AMOTL1: variants seen among roughly 807,000 people sequenced by gnomAD.
AMOTL1 encodes the protein angiomotin like 1.
Under a neutral mutation model 102.9 loss-of-function variants are expected in AMOTL1, and 45 were observed. That is an observed-to-expected ratio of 0.44 (90% confidence interval 0.34 to 0.56). The LOEUF (loss-of-function observed/expected upper bound fraction) is 0.56, where lower values mean the gene tolerates loss of function less well. Among genes scored for constraint, AMOTL1 ranks in the 20% least tolerant of loss-of-function variants. The pLI is 0.01. For synonymous variants in AMOTL1, 481 were observed against 484.7 expected, an observed-to-expected ratio of 0.99 and a Z score of 0.10; for missense variants, 1,114 against 1,225.6, an observed-to-expected ratio of 0.91 and a Z score of 1.36.
chr11:94,870,614 T>C, intron 12 of AMOTL1, 75 bp from the exon 13 acceptor site: 1 of 1,173,446 alleles, frequency 8.5e-7, no homozygotes, highest in Non-Finnish European at 1.2e-6. Flanking sequence ...CGGACGTGGG[T>C]CCATTTTAGA....
intron 1 of AMOTL1, among the ~76,000 whole-genome samples, chr11:94,728,162 T>G (rs1443820038): frequency 6.6e-6 from 1 of 152,220 alleles, no homozygotes; most frequent in Non-Finnish European, 1.5e-5. Context: ...ACCTGCTACA[T>G]GCAGAGCGTT....
chr11:94,802,962 C>A lies in AMOTL1; in HGVS notation c.1121+2651C>A, dbSNP rs193094794. 3.3e-5 allele frequency among the ~76,000 whole-genome samples: 5 copies of A among 152,298 alleles called. No homozygotes were observed. In the East Asian group the frequency reaches 9.6e-4, roughly 29 times the overall value. ...AAAGGGTTATCTGTTTGTCATTGAT[C>A]GTGATGGTTTAGGAAGCTGCAGGCC... is the stretch of plus-strand genomic sequence containing the variant. On this transcript the variant is annotated intron_variant, in intron 3 of 12. Transcript: ENST00000433060.
At chr11:94,782,197 C>T (rs1951124512) in intron 1 of AMOTL1, among the ~76,000 whole-genome samples, 2 of 152,300 alleles carry the variant, frequency 1.3e-5, no homozygotes, top group South Asian at 4.1e-4. Flanking sequence ...TGTGGTTATT[C>T]TGGCTTGGGC....
chr11:94,733,473 T>G (rs12292539), intron 2 of AMOTL1, among the ~76,000 whole-genome samples: 1 of 152,188 alleles, frequency 6.6e-6, no homozygotes, highest in Non-Finnish European at 1.5e-5. Flanking sequence ...CCTGCTTCTC[T>G]TTCTACCACC....
chr11:94,742,247 TA>T (rs760714487), intron 3 of AMOTL1, among the ~76,000 whole-genome samples: 10 of 152,380 alleles, frequency 6.6e-5, no homozygotes, highest in Non-Finnish European at 1.2e-4. Flanking sequence ...AAGTGACATC[TA>T]AACCATAGCT....
intron 1 of AMOTL1, among the ~76,000 whole-genome samples, chr11:94,792,362 A>C (rs2135554787): frequency 6.6e-6 from 1 of 152,314 alleles, no homozygotes; most frequent in South Asian, 2.1e-4. Context: ...AGATATACCT[A>C]ATGTAAATGA....
rs1311207245 is a variant in AMOTL1, at chr11:94,820,247, C to T, written c.1122-1283C>T. On this transcript the variant is annotated intron_variant, in intron 3 of 12. Transcript: ENST00000433060. ...TCTGAGTGTTTCTCTTCTGCCACTACTCTGAGCTCTCCTCAGTTCTCACCT... is the reference window on the plus strand; with the variant it reads ...TCTGAGTGTTTCTCTTCTGCCACTATTCTGAGCTCTCCTCAGTTCTCACCT... The T allele has an allele frequency of 2.8e-5, 4 of 143,026 alleles. No homozygotes were observed. In the Admixed American group the frequency reaches 3.3e-4, roughly 12 times the overall value. The allele number at this position is 143,026 out of a possible 1,614,324, so 8.9% of individuals were successfully genotyped here. A position where few individuals can be genotyped will look rare whatever the true frequency, so the allele number is the denominator to read the frequency against.
rs1591977869 is a variant in AMOTL1, at chr11:94,799,596, A to G, written c.406A>G (p.Asn136Asp). The G allele has an allele frequency of 6.2e-7, 1 of 1,613,848 alleles. No individual in the cohort carries two copies. Among genetic ancestry groups the G allele is most frequent in the East Asian group, 2.2e-5 (1 of 44,870 alleles). ...GAGTGCAGGACCAGCCCATCCTACA[A>G]ACAACTTTTCTTCCACGGAAAACCT... ...TGSAGPAHPTNNFSSTENLTQ... is the reference protein window; with the variant it reads ...TGSAGPAHPTDNFSSTENLTQ... The change falls in exon 3 of 13, where the codon AAC becomes GAC. Residue 136 changes from asparagine (N) to aspartate (D), a missense_variant. Physicochemically the swap from Asn to Asp is conservative, Grantham distance 23. Coordinates refer to ENST00000433060, the MANE Select transcript of AMOTL1 (RefSeq NM_130847.3). This position sits in a 1 kb window ranked among gnomAD's most constrained non-coding sequence, Gnocchi z 4.5.
upstream of AMOTL1, chr11:94,768,294 A>T (rs1950882340): frequency 7.5e-7 from 1 of 1,338,090 alleles, no homozygotes; most frequent in African/African-American, 1.6e-5. Flanking sequence ...GGTTCTAGTG[A>T]CGAGCCCGGG....
intron 1 of AMOTL1, among the ~76,000 whole-genome samples, chr11:94,708,286 A>C (rs148005577): frequency 1.1e-4 from 16 of 152,334 alleles, no homozygotes; most frequent in African/African-American, 3.8e-4. Context: ...GGAGTTTAGA[A>C]GCATTAGCAT....
At chr11:94,801,544 A>G (rs1332511919) in intron 3 of AMOTL1, among the ~76,000 whole-genome samples, 1 of 152,154 alleles carries the variant, frequency 6.6e-6, no homozygotes, top group Non-Finnish European at 1.5e-5. Flanking sequence ...CATGAATTAG[A>G]GGAAAGGGAG....
Position 94,799,966 on chromosome 11 carries a change from G to T in AMOTL1, c.776G>T (p.Arg259Leu). 1 of 1,614,024 alleles carries T rather than the reference G, an allele frequency of 6.2e-7. No homozygotes were observed. The highest frequency in any genetic ancestry group is 8.5e-7 in the Non-Finnish European group (1 of 1,179,896). ...AAGGAACTGAAGCAGGGCCACGTCC[G>T]CTCGCTCAGCGAGAGAATCATGCAG... ...ALKELKQGHV[R>L]SLSERIMQLS... Residue 259 changes from arginine (R) to leucine (L), a missense_variant, in exon 3 of 13, where the codon CGC becomes CTC. Physicochemically the swap from Arg to Leu is moderately radical, Grantham distance 102. Coordinates refer to ENST00000433060, the MANE Select transcript of AMOTL1 (RefSeq NM_130847.3). This position sits in a 1 kb window ranked among gnomAD's most constrained non-coding sequence, Gnocchi z 4.5.
intron 3 of AMOTL1, among the ~76,000 whole-genome samples, chr11:94,741,514 A>G (rs577135216): frequency 1.3e-5 from 2 of 152,204 alleles, no homozygotes; most frequent in Admixed American, 1.3e-4. Context: ...CCTGATTTCT[A>G]TTCCTCAGTT....
chr11:94,773,960 C>T (rs144303989), intron 1 of AMOTL1, among the ~76,000 whole-genome samples: 113 of 152,286 alleles, frequency 7.4e-4, no homozygotes, highest in Non-Finnish European at 1.4e-3. Context: ...TGTGTGACCT[C>T]GGAATTGTAC....
intron 1 of AMOTL1, among the ~76,000 whole-genome samples, chr11:94,772,286 C>T (rs1018743931): frequency 3.9e-5 from 6 of 152,062 alleles, no homozygotes; most frequent in Admixed American, 2.0e-4. Context: ...TTCATGTAAC[C>T]GCTACCACAA....
At chr11:94,804,515 C>T (rs919646058) in intron 3 of AMOTL1, among the ~76,000 whole-genome samples, 3 of 152,170 alleles carry the variant, frequency 2.0e-5, no homozygotes, top group African/African-American at 7.2e-5. Context: ...TGGTCTTGAA[C>T]TCCTGGGCTC....
rs568091793 is a variant in AMOTL1, at chr11:94,850,164, G to C, written c.1699G>C (p.Val567Leu). 1.4e-5 allele frequency: 23 copies of C among 1,589,634 alleles called. No individual in the cohort carries two copies. In the East Asian group the frequency reaches 4.5e-4, roughly 31 times the overall value. The change falls in exon 7 of 13, where the codon GTG becomes CTG. Residue 567 changes from valine (V) to leucine (L), a missense_variant. Val to Leu is a conservative substitution (Grantham distance 32). Transcript: ENST00000433060. ...GAAATTAGAAATGGAGTTAGCAGCA[G>C]TGCGGACTGCAAGTGAGGACCATCG... ...KEKLEMELAA[V>L]RTASEDHRRH...
intron 2 of AMOTL1, 28 bp downstream of exon 2, chr11:94,795,188 G>A (rs1261202503): frequency 6.2e-7 from 1 of 1,610,424 alleles, no homozygotes; most frequent in Admixed American, 1.7e-5. Flanking sequence ...CACTTGTGTT[G>A]GAAAAGCAAA....
At chr11:94,840,193 C>T (rs1218073284) in intron 6 of AMOTL1, among the ~76,000 whole-genome samples, 6 of 152,094 alleles carry the variant, frequency 3.9e-5, no homozygotes, top group African/African-American at 1.2e-4. Context: ...CAGAATACAA[C>T]GAGTAACTCC....
Sources: gnomAD v4.1 joint callset for allele counts (sites outside exome capture counted in the v4.1 genomes callset) on GRCh38, gnomAD v4.1.1 for gene constraint, Gnocchi (gnomAD v3.1) non-coding constraint, MANE v1.5 for transcripts, NCBI Gene and HGNC (gene_info 2026-07-23, HGNC 2026-07-21) for gene names.